Variants in DMD observed in about 807,000 individuals in gnomAD.
The protein encoded by DMD is dystrophin.
A neutral mutation model predicts 330.1 loss-of-function variants in DMD; 63 were observed. The observed-to-expected ratio is 0.19, with a 90% CI of 0.16 to 0.24. DMD has a LOEUF of 0.24. Ranked by LOEUF, DMD falls within the 10% of genes least tolerant of loss-of-function variation. The pLI, the probability that DMD is intolerant of heterozygous loss-of-function variation, is 1.00. For synonymous variants in DMD, 1,223 were observed against 959.8 expected (o/e 1.27, Z -5.07); for missense variants, 3,344 against 2,684.1 (o/e 1.25, Z -5.43).
At chrX:32,396,063 C>T (rs1462594676) in intron 30 of DMD, among the ~76,000 whole-genome samples, 1 of 110,957 alleles carries the variant, frequency 9.0e-6, no homozygotes, top group African/African-American at 3.3e-5. Flanking sequence ...CCACATTTTC[C>T]CAAATGAGTC....
At chrX:31,159,532 C>A (rs770839594) in intron 74 of DMD, among the ~76,000 whole-genome samples, 1 of 111,791 alleles carries the variant, frequency 8.9e-6, no homozygotes, top group African/African-American at 3.3e-5. Flanking sequence ...CCATTTCTAA[C>A]TGGGCTGCTC....
intron 61 of DMD, among the ~76,000 whole-genome samples, chrX:31,341,893 A>G (rs7885842): frequency 0.081 from 2,812 of 34,786 alleles, 91 homozygotes; most frequent in African/African-American, 0.28. Context: ...GCGCGCGCGC[A>G]CACACACACA....
Position 32,686,559 on chromosome X carries a change from C to CAAAAAAAAAAA in DMD, c.960+11300_960+11310dup, listed in dbSNP as rs750534167. On this transcript the variant is annotated intron_variant, in intron 9 of 78. Coordinates refer to ENST00000357033, the MANE Select transcript of DMD (RefSeq NM_004006.3). ...GGGCAACAGAGCAAAAACTCCATCT[C>CAAAAAAAAAAA]AAAAAAAAAAAAAAAAAAAAAAAGA... Among the ~76,000 whole-genome samples the CAAAAAAAAAAA allele has an allele frequency of 4.4e-3, 126 of 28,454 alleles. 2 individuals are homozygous for CAAAAAAAAAAA. The highest frequency in any genetic ancestry group is 7.5e-3 in the African/African-American group (56 of 7,465). The allele number at this position is 28,454 out of a possible 115,157, so 24.7% of individuals were successfully genotyped here.
rs1258820668 is a variant in DMD, at chrX:33,009,324, ATATG to A, written c.93+10811_93+10814del. On this transcript the variant is annotated intron_variant, in intron 2 of 78. Transcript: ENST00000357033. ...TATATACACATGTGTGTATATGTGT[ATATG>A]TGTATATACACGTGTATATACACAT... Among the ~76,000 whole-genome samples the A allele has an allele frequency of 1.8e-4, 10 of 57,045 alleles. 1 individual carries two copies. Among genetic ancestry groups the A allele is most frequent in the African/African-American group, 6.8e-4 (10 of 14,769 alleles). The allele number at this position is 57,045 out of a possible 115,157, so 49.5% of individuals were successfully genotyped here.
intron 47 of DMD, among the ~76,000 whole-genome samples, chrX:31,919,818 C>T (rs1030562370): frequency 7.1e-5 from 8 of 112,120 alleles, no homozygotes; most frequent in Admixed American, 2.8e-4. Flanking sequence ...GGTCTTGCCC[C>T]GAACCATAAG....
At chrX:32,711,965 T>G (rs746798165) in intron 7 of DMD, among the ~76,000 whole-genome samples, 1 of 112,033 alleles carries the variant, frequency 8.9e-6, no homozygotes, top group East Asian at 2.8e-4. Context: ...CATACCCTCA[T>G]TGGTAAAATG....
chrX:32,971,839 G>T (rs1303278610), intron 2 of DMD, among the ~76,000 whole-genome samples: 1 of 110,873 alleles, frequency 9.0e-6, no homozygotes, highest in Non-Finnish European at 1.9e-5. Context: ...AATAGAAAGT[G>T]GTGGCCAAGA....
chrX:31,257,134 T>G (rs764897715), intron 63 of DMD, among the ~76,000 whole-genome samples: 3 of 104,889 alleles, frequency 2.9e-5, no homozygotes, highest in Non-Finnish European at 5.8e-5. Context: ...AACATAAACA[T>G]GTGTTGAACA....
intron 17 of DMD, among the ~76,000 whole-genome samples, chrX:32,523,789 G>A (rs1158030306): frequency 9.0e-6 from 1 of 111,490 alleles, no homozygotes; most frequent in African/African-American, 3.3e-5. Flanking sequence ...TAAGGAGGAA[G>A]GAAAGGGATC....
At chrX:32,769,225 C>T (rs1020168325) in intron 7 of DMD, among the ~76,000 whole-genome samples, 3 of 112,246 alleles carry the variant, frequency 2.7e-5, no homozygotes, top group Admixed American at 9.5e-5. Context: ...TACGGTTCCA[C>T]GTGGCTGGGG....
At chrX:32,213,904 G>A (rs980995483) in intron 44 of DMD, among the ~76,000 whole-genome samples, 1 of 110,223 alleles carries the variant, frequency 9.1e-6, no homozygotes, top group African/African-American at 3.3e-5. Flanking sequence ...AAGCCTGGAG[G>A]CAGAGGTTGC....
At chrX:31,617,649 G>A (rs1023741830) in intron 55 of DMD, among the ~76,000 whole-genome samples, 8 of 110,654 alleles carry the variant, frequency 7.2e-5, no homozygotes, top group African/African-American at 2.6e-4. Context: ...TTCAGCCACT[G>A]TGGAAAGCAG....
Position 33,220,048 on chromosome X carries a change from A to C in DMD, c.7+119211T>G, listed in dbSNP as rs775139057. 6.3e-5 allele frequency among the ~76,000 whole-genome samples: 7 copies of C among 111,760 alleles called. No homozygotes were observed. In the East Asian group the frequency reaches 2.0e-3, roughly 32 times the overall value. ...AAAGGAATAATGTTGGAATAGCAAT[A>C]GAAAAGGGCAGTCACTACCAGGACC... On this transcript the variant is annotated intron_variant, in intron 1 of 17. Transcript: ENST00000288447.
chrX:32,561,013 T>G (rs1011811870), intron 16 of DMD, among the ~76,000 whole-genome samples: 1 of 111,905 alleles, frequency 8.9e-6, no homozygotes, highest in East Asian at 2.8e-4. Flanking sequence ...CCACACTGTC[T>G]TCCACAATGG....
intron 43 of DMD, among the ~76,000 whole-genome samples, chrX:32,229,953 A>G (rs2147970456): frequency 9.2e-6 from 1 of 108,143 alleles, no homozygotes; most frequent in East Asian, 2.9e-4. Flanking sequence ...TTTATCTTCC[A>G]TAACTGAAAC....
intron 43 of DMD, among the ~76,000 whole-genome samples, chrX:32,280,182 TATATAC>T (rs1367463025): frequency 1.6e-4 from 4 of 24,686 alleles, no homozygotes; most frequent in African/African-American, 2.4e-4. Flanking sequence ...TATATATATA[TATATAC>T]ACACTATGTA....
At chrX:31,731,638 C>A (rs1289500080) in intron 51 of DMD, among the ~76,000 whole-genome samples, 1 of 111,409 alleles carries the variant, frequency 9.0e-6, no homozygotes, top group African/African-American at 3.3e-5. Flanking sequence ...AGGGACTATG[C>A]ATGTGGCAGT....
chrX:33,326,957 A>G (rs762786322), intron 1 of DMD, among the ~76,000 whole-genome samples: 1 of 111,734 alleles, frequency 8.9e-6, no homozygotes, highest in African/African-American at 3.2e-5. Context: ...AAGACTTCCT[A>G]CCTTGCTTAC....
intron 44 of DMD, among the ~76,000 whole-genome samples, chrX:31,977,120 C>A (rs1420143047): frequency 9.0e-6 from 1 of 111,446 alleles, no homozygotes; most frequent in African/African-American, 3.3e-5. Flanking sequence ...ATTATAAAGG[C>A]CTTAAAGACA....
Sources: gnomAD v4.1 joint callset for allele counts (sites outside exome capture counted in the v4.1 genomes callset) on GRCh38, gnomAD v4.1.1 for gene constraint, MANE v1.5 for transcripts, NCBI Gene and HGNC (gene_info 2026-07-23, HGNC 2026-07-21) for gene names.